RNF169: variants seen among roughly 807,000 people sequenced by gnomAD.
RNF169 encodes the protein E3 ubiquitin-protein ligase RNF169.
Under a neutral mutation model 53.9 loss-of-function variants are expected in RNF169, and 24 were observed. The ratio of observed to expected loss-of-function variants is 0.45; its 90% CI spans 0.32 to 0.63. RNF169 has a LOEUF of 0.63. Ranked by LOEUF, RNF169 falls within the 20% of genes least tolerant of loss-of-function variation. The pLI is 0.04. For synonymous variants in RNF169, 396 were observed against 363.5 expected, an observed-to-expected ratio of 1.09 and a Z score of -1.02; for missense variants, 883 against 906.2, an observed-to-expected ratio of 0.97 and a Z score of 0.33.
intron 1 of RNF169, among the ~76,000 whole-genome samples, chr11:74,779,305 A>C (rs2135336484): frequency 6.6e-6 from 1 of 152,268 alleles, no homozygotes; most frequent in Middle Eastern, 3.4e-3. Flanking sequence ...ACACAGTAGT[A>C]GTAGTACTAC....
chr11:74,771,430 A>G (rs1433080545), intron 1 of RNF169, among the ~76,000 whole-genome samples: 2 of 152,212 alleles, frequency 1.3e-5, no homozygotes, highest in African/African-American at 4.8e-5. Flanking sequence ...ACTGGTCGCT[A>G]TTATGGCTTG....
intron 2 of RNF169, among the ~76,000 whole-genome samples, chr11:74,798,348 C>T (rs1201888538): frequency 6.6e-6 from 1 of 152,180 alleles, no homozygotes; most frequent in Non-Finnish European, 1.5e-5. Flanking sequence ...TCTGAACTGG[C>T]CCCCCTGGGC....
intron 1 of RNF169, among the ~76,000 whole-genome samples, chr11:74,783,387 T>TG (rs1399993028): frequency 6.6e-6 from 1 of 152,246 alleles, no homozygotes. Flanking sequence ...ATGTCATTCT[T>TG]AAGGCATCAT....
At chr11:74,758,750 C>T (rs1020730316) in intron 1 of RNF169, among the ~76,000 whole-genome samples, 6 of 152,128 alleles carry the variant, frequency 3.9e-5, no homozygotes, top group Admixed American at 6.6e-5. Context: ...GTGATCCGCC[C>T]ACCTTGGCCT....
chr11:74,799,086 G>GTTTT (rs66563289), intron 2 of RNF169, among the ~76,000 whole-genome samples: 1 of 140,874 alleles, frequency 7.1e-6, no homozygotes, highest in Non-Finnish European at 1.5e-5. Flanking sequence ...ATTTCCAGTG[G>GTTTT]TTTTTTTTTT....
chr11:74,826,514 G>A (rs2036100157), intron 4 of RNF169, among the ~76,000 whole-genome samples: 2 of 98,344 alleles, frequency 2.0e-5, no homozygotes, highest in South Asian at 1.1e-3. Flanking sequence ...TTCCACCCCT[G>A]GCCCCTCCCA....
At position 74,837,566 on chromosome 11, in the gene RNF169, G is replaced by T. The variant is rs189307536; in HGVS notation, c.*836G>T. The T allele has an allele frequency of 6.6e-6, 1 of 152,368 alleles. No homozygotes were observed. Among genetic ancestry groups the T allele is most frequent in the East Asian group, 1.9e-4 (1 of 5,186 alleles). The allele number at this position is 152,368 out of a possible 1,614,324, so 9.4% of individuals were successfully genotyped here. ...TCCACATGCAAACAAGATCGACAGGGTGGATAAACATATATGTGCATTATC... is the reference window on the plus strand; with the variant it reads ...TCCACATGCAAACAAGATCGACAGGTTGGATAAACATATATGTGCATTATC... On this transcript the variant is annotated 3_prime_UTR_variant, in exon 6 of 6. Coordinates refer to ENST00000299563, the MANE Select transcript of RNF169 (RefSeq NM_001098638.2).
intron 2 of RNF169, among the ~76,000 whole-genome samples, chr11:74,796,763 G>T (rs1205584288): frequency 6.6e-6 from 1 of 152,206 alleles, no homozygotes; most frequent in South Asian, 2.1e-4. Context: ...ACTGCTTTCA[G>T]TTATTCTGTG....
intron 4 of RNF169, among the ~76,000 whole-genome samples, chr11:74,820,844 G>A (rs1156897453): frequency 6.6e-6 from 1 of 152,162 alleles, no homozygotes; most frequent in Non-Finnish European, 1.5e-5. Context: ...GAAGTTTGGT[G>A]AGGGGTAGTG....
At chr11:74,782,783 AAAT>A in intron 1 of RNF169, among the ~76,000 whole-genome samples, 1 of 152,234 alleles carries the variant, frequency 6.6e-6, no homozygotes, top group South Asian at 2.1e-4. Flanking sequence ...GTGTAGTGCT[AAAT>A]AATTTGGCAA....
At chr11:74,750,470 T>C (rs1311439366) in intron 1 of RNF169, among the ~76,000 whole-genome samples, 1 of 152,096 alleles carries the variant, frequency 6.6e-6, no homozygotes, top group Non-Finnish European at 1.5e-5. Flanking sequence ...GAATGCACTC[T>C]GTTTTGATTC....
chr11:74,803,149 G>A (rs1357817802), intron 2 of RNF169, among the ~76,000 whole-genome samples: 1 of 145,498 alleles, frequency 6.9e-6, no homozygotes, highest in Non-Finnish European at 1.5e-5. Flanking sequence ...GTGCAGTGGT[G>A]CAGTCTGCTC....
At chr11:74,793,510 A>G (rs1352524510) in intron 2 of RNF169, among the ~76,000 whole-genome samples, 1 of 152,188 alleles carries the variant, frequency 6.6e-6, no homozygotes, top group African/African-American at 2.4e-5. Flanking sequence ...TTTAAAAGGT[A>G]TTACTTTATT....
intron 4 of RNF169, among the ~76,000 whole-genome samples, chr11:74,823,983 T>C (rs2036055927): frequency 1.3e-5 from 2 of 151,990 alleles, no homozygotes; most frequent in South Asian, 4.1e-4. Context: ...CCTTATAATA[T>C]TCAAAATGCA....
Position 74,810,288 on chromosome 11 carries a change from A to G in RNF169, c.681A>G (p.Lys227=), listed in dbSNP as rs2035857420. The part of the protein sequence containing the change: ...ETGKRKMDEQ[K]KRDEPLVLKT... ...GGAAAAGGAAAATGGATGAACAGAA[A>G]AAAAGAGATGAACCATTAGTACTGA... Residue 227 remains lysine (K), a synonymous_variant, in exon 3 of 6, where the codon AAA becomes AAG. Coordinates refer to ENST00000299563, the MANE Select transcript of RNF169 (RefSeq NM_001098638.2). 2 of 1,614,026 alleles carry G rather than the reference A, an allele frequency of 1.2e-6. No individual in the cohort carries two copies. Among genetic ancestry groups the G allele is most frequent in the East Asian group, 4.5e-5 (2 of 44,868 alleles).
At chr11:74,754,175 A>G (rs1008123214) in intron 1 of RNF169, among the ~76,000 whole-genome samples, 10 of 152,140 alleles carry the variant, frequency 6.6e-5, no homozygotes, top group Non-Finnish European at 1.5e-4. Context: ...TCTCTCTCTC[A>G]TGGAGCTTAT....
At chr11:74,774,941 C>A (rs1310235486) in intron 1 of RNF169, among the ~76,000 whole-genome samples, 2 of 151,994 alleles carry the variant, frequency 1.3e-5, no homozygotes, top group East Asian at 3.9e-4. Context: ...GACTGGGTGA[C>A]AGAGACTGGA....
At chr11:74,760,086 G>A (rs2035056512) in intron 1 of RNF169, among the ~76,000 whole-genome samples, 1 of 151,528 alleles carries the variant, frequency 6.6e-6, no homozygotes, top group Admixed American at 6.5e-5. Flanking sequence ...AGATTTTCTA[G>A]TTTATTTGTG....
intron 1 of RNF169, among the ~76,000 whole-genome samples, chr11:74,766,364 A>C (rs569516341): frequency 5.8e-4 from 88 of 152,342 alleles, no homozygotes; most frequent in African/African-American, 2.1e-3. Flanking sequence ...CAGAGGGGTG[A>C]TTCATGGATT....
Sources: gnomAD v4.1 joint callset for allele counts (sites outside exome capture counted in the v4.1 genomes callset) on GRCh38, gnomAD v4.1.1 for gene constraint, MANE v1.5 for transcripts, NCBI Gene and HGNC (gene_info 2026-07-23, HGNC 2026-07-21) for gene names.